Variants in UTP14C observed in about 807,000 individuals in gnomAD.
The protein encoded by UTP14C is U3 small nucleolar RNA-associated protein 14 homolog C.
Under a neutral mutation model 14.6 loss-of-function variants are expected in UTP14C, and 10 were observed. The observed-to-expected ratio is 0.68, with a 90% CI of 0.42 to 1.16. The LOEUF (loss-of-function observed/expected upper bound fraction) is 1.16, where lower values mean the gene tolerates loss of function less well. Ranked by LOEUF, UTP14C falls within the 50% of genes most tolerant of loss-of-function variation. The pLI is 0.00. For synonymous variants in UTP14C, 315 were observed against 331.6 expected (o/e 0.95, Z 0.54); for missense variants, 818 against 890.8 (o/e 0.92, Z 1.04).
Position 52,029,315 on chromosome 13 carries a change from G to C in UTP14C, c.511G>C (p.Glu171Gln). Residue 171 changes from glutamate (E) to glutamine (Q), a missense_variant, in exon 2 of 2, where the codon GAA becomes CAA. Transcript: ENST00000521776. ...GKEQPAIAPI[E>Q]HALSGWKART... ...GGAGCAGCCAGCCATTGCTCCCATT[G>C]AACATGCGCTCAGTGGCTGGAAGGC... 6.2e-7 allele frequency: 1 copy of C among 1,614,154 alleles called. No individual in the cohort carries two copies. The highest frequency in any genetic ancestry group is 8.5e-7 in the Non-Finnish European group (1 of 1,180,028).
intron 1 of UTP14C, 70 bp downstream of exon 1, chr13:52,025,007 A>T (rs1954227407): frequency 6.7e-7 from 1 of 1,488,016 alleles, no homozygotes; most frequent in Non-Finnish European, 9.3e-7. Context: ...TGATAAAATG[A>T]TAATACTCTG....
At position 52,024,719 on chromosome 13, in the gene UTP14C, T is replaced by C. The variant is rs767338407; in HGVS notation, c.-705T>C. 5 of 1,614,248 alleles carry C rather than the reference T, an allele frequency of 3.1e-6. No individual in the cohort carries two copies. The Admixed American group carries it at 8.3e-5, about 27-fold the overall frequency. ...TTTGCTAAATTGCTGAATAAGAAGA[T>C]GGTTGAGTCACCTCCTTCGCTTAAA... is the stretch of plus-strand genomic sequence containing the variant. On this transcript the variant is annotated 5_prime_UTR_variant, in exon 1 of 2. It removes an upstream start codon present in the reference 5' UTR. Coordinates refer to ENST00000521776, the MANE Select transcript of UTP14C (RefSeq NM_021645.6).
rs759023629 is a variant in UTP14C, at chr13:52,029,608, G to A, written c.804G>A (p.Glu268=). Reference sequence around the variant, plus strand: ...CCAAGAAAGCCTTAAAAGAGTTTGAGCAGCTACAGAAGGTTAATCCAACTG... The same window carrying A: ...CCAAGAAAGCCTTAAAAGAGTTTGAACAGCTACAGAAGGTTAATCCAACTG... ...GKAKKALKEF[E]QLQKVNPTVA... Residue 268 remains glutamate, a synonymous_variant, in exon 2 of 2, where the codon GAG becomes GAA. Transcript: ENST00000521776. 6 of 1,614,126 alleles carry A rather than the reference G, an allele frequency of 3.7e-6. No homozygotes were observed. In the African/African-American group the frequency reaches 6.7e-5, roughly 18 times the overall value.
chr13:52,030,154 C>G lies in UTP14C; in HGVS notation c.1350C>G (p.Ser450Arg), dbSNP rs1193525395. ...PASSQETKDS[S>R]SQEVLSELRA... ...GCAGTCAAGAAACAAAAGATTCTAG[C>G]AGCCAGGAGGTGCTGTCCGAATTGA... The change falls in exon 2 of 2, where the codon AGC becomes AGG. Residue 450 changes from serine (S) to arginine (R), a missense_variant. Coordinates refer to ENST00000521776, the MANE Select transcript of UTP14C (RefSeq NM_021645.6). 3 of 1,614,182 alleles carry G rather than the reference C, an allele frequency of 1.9e-6. No individual in the cohort carries two copies. In the Admixed American group the frequency reaches 5.0e-5, roughly 27 times the overall value.
At chr13:52,026,085 G>A (rs1490695986) in intron 1 of UTP14C, among the ~76,000 whole-genome samples, 2 of 152,244 alleles carry the variant, frequency 1.3e-5, no homozygotes, top group African/African-American at 4.8e-5. Flanking sequence ...CAAGTGCCGT[G>A]CCGTGCTGTG....
rs2140855372 is a variant in UTP14C at position 52,031,972 on chromosome 13, C to T, written c.*867C>T. On this transcript the variant is annotated 3_prime_UTR_variant, in exon 2 of 2. Coordinates refer to ENST00000521776, the MANE Select transcript of UTP14C (RefSeq NM_021645.6). ...GTGCGGTGTCTCACACCTGTAATCC[C>T]AGCACTTTGGGAGGCCGAGATGGGT... 6.1e-6 allele frequency: 1 copy of T among 165,184 alleles called. No homozygotes were observed. The allele number at this position is 165,184 out of a possible 1,614,324, so 10.2% of individuals were successfully genotyped here. A position where few individuals can be genotyped will look rare whatever the true frequency, so the allele number is the denominator to read the frequency against.
In UTP14C at chr13:52,033,260, G is replaced by A. The variant is rs1459969757; in HGVS notation, c.*2155G>A. The A allele has an allele frequency of 6.0e-6, 1 of 167,014 alleles. No homozygotes were observed. Among genetic ancestry groups the A allele is most frequent in the Non-Finnish European group, 1.5e-5 (1 of 68,120 alleles). The allele number at this position is 167,014 out of a possible 1,614,324, so 10.3% of individuals were successfully genotyped here. A position where few individuals can be genotyped will look rare whatever the true frequency, so the allele number is the denominator to read the frequency against. On this transcript the variant is annotated 3_prime_UTR_variant, in exon 2 of 2. Coordinates refer to ENST00000521776, the MANE Select transcript of UTP14C (RefSeq NM_021645.6). Reference sequence around the variant, plus strand: ...AATTCCTCTCAGATGTCATTTTTGAGTGGTCCAAGCCTGCTGTTTTGAACC... The same window carrying A: ...AATTCCTCTCAGATGTCATTTTTGAATGGTCCAAGCCTGCTGTTTTGAACC...
rs17480469 is a variant in UTP14C, at chr13:52,032,939, A to G, written c.*1834A>G. ...CAGTGCTTTTTCTTACTTTGTAGCT[A>G]CACTTTGAAGTAAGATTCAAACTGT... On this transcript the variant is annotated 3_prime_UTR_variant, in exon 2 of 2. Transcript: ENST00000521776. The G allele has an allele frequency of 0.014, 2,423 of 167,166 alleles. 73 individuals carry two copies. Among genetic ancestry groups the G allele is most frequent in the Admixed American group, 0.081 (1,233 of 15,302 alleles). The allele number at this position is 167,166 out of a possible 1,614,324, so 10.4% of individuals were successfully genotyped here.
chr13:52,025,236 G>T lies in UTP14C; in HGVS notation c.-487+299G>T, dbSNP rs375751810. On this transcript the variant is annotated intron_variant, in intron 1 of 1. Transcript: ENST00000521776. Reference sequence around the variant, plus strand: ...TTGTTATTCCCATTTTATAAATAAAGAAACTCAGGCACAGGAAGGTTTAGA... The same window carrying T: ...TTGTTATTCCCATTTTATAAATAAATAAACTCAGGCACAGGAAGGTTTAGA... Among the ~76,000 whole-genome samples, 9 of 151,434 alleles carry T rather than the reference G, an allele frequency of 5.9e-5. No homozygotes were observed. The East Asian group carries it at 7.7e-4, about 13-fold the overall frequency.
chr13:52,024,793 A>G lies in UTP14C; in HGVS notation c.-631A>G, dbSNP rs1477782744. 5 of 1,614,220 alleles carry G rather than the reference A, an allele frequency of 3.1e-6. No homozygotes were observed. The East Asian group carries it at 6.7e-5, about 22-fold the overall frequency. ...TAACAAAGATGATGAACTTAGGGTA[A>G]ACCAACTGAGAAGGCTGTCTGAGGA... On this transcript the variant is annotated 5_prime_UTR_variant, in exon 1 of 2. The change abolishes the stop of an existing upstream ORF in the 5' untranslated region. Coordinates refer to ENST00000521776, the MANE Select transcript of UTP14C (RefSeq NM_021645.6).
chr13:52,026,463 G>T (rs896535090), intron 1 of UTP14C, among the ~76,000 whole-genome samples: 2 of 152,242 alleles, frequency 1.3e-5, no homozygotes, highest in African/African-American at 4.8e-5. Context: ...AGAGCAGGGA[G>T]AGCAAGACTG....
chr13:52,027,342 G>A (rs1194225809), intron 1 of UTP14C, among the ~76,000 whole-genome samples: 1 of 152,132 alleles, frequency 6.6e-6, no homozygotes, highest in Non-Finnish European at 1.5e-5. Flanking sequence ...TGATAGGAAG[G>A]AGCCAGTAGA....
At position 52,030,670 on chromosome 13, in the gene UTP14C, C is replaced by G; in HGVS notation, c.1866C>G (p.Asp622Glu). The change falls in exon 2 of 2, where the codon GAC (aspartate) becomes GAG (glutamate). Residue 622 changes from aspartate (D) to glutamate (E), a missense_variant. By Grantham distance (45) the Asp-to-Glu change is conservative (BLOSUM62 2). Transcript: ENST00000521776. ...CTGTGGAGGCGAGTAAGCCAAAGGACGTGGACCTGACACTACCTGGCTGGG... is the reference window on the plus strand; with the variant it reads ...CTGTGGAGGCGAGTAAGCCAAAGGAGGTGGACCTGACACTACCTGGCTGGG... ...REAVEASKPKDVDLTLPGWGE... is the reference protein window; with the variant it reads ...REAVEASKPKEVDLTLPGWGE... 6.2e-7 allele frequency: 1 copy of G among 1,614,192 alleles called. No homozygotes were observed. Among genetic ancestry groups the G allele is most frequent in the Non-Finnish European group, 8.5e-7 (1 of 1,180,022 alleles).
rs1444430204 is a variant in UTP14C, at chr13:52,030,901, G to A, written c.2097G>A (p.Gln699=). 6.2e-7 allele frequency: 1 copy of A among 1,614,012 alleles called. No homozygotes were observed. Among genetic ancestry groups the A allele is most frequent in the Non-Finnish European group, 8.5e-7 (1 of 1,180,034 alleles). ...THHRQFERTI[Q]TPIGSTWNTQ... ...ATCGGCAATTTGAAAGGACCATCCA[G>A]ACCCCTATAGGATCCACATGGAACA... Residue 699 remains glutamine (Q), a synonymous_variant, in exon 2 of 2, where the codon CAG becomes CAA. Coordinates refer to ENST00000521776, the MANE Select transcript of UTP14C (RefSeq NM_021645.6).
At chr13:52,025,525 T>C (rs1158813666) in intron 1 of UTP14C, among the ~76,000 whole-genome samples, 1 of 152,264 alleles carries the variant, frequency 6.6e-6, no homozygotes, top group African/African-American at 2.4e-5. Context: ...TAGGGGCTTC[T>C]CACAGTAACT....
chr13:52,030,729 C>T lies in UTP14C; in HGVS notation c.1925C>T (p.Ala642Val). 6.2e-7 allele frequency: 1 copy of T among 1,614,128 alleles called. No individual in the cohort carries two copies. Among genetic ancestry groups the T allele is most frequent in the Non-Finnish European group, 8.5e-7 (1 of 1,180,014 alleles). The change falls in exon 2 of 2, where the codon GCC (alanine) becomes GTC (valine). Residue 642 changes from alanine to valine, a missense_variant. Physicochemically the swap from Ala to Val is moderately conservative, Grantham distance 64. Transcript: ENST00000521776. ...EWGGVGLKPS[A>V]KKRRQFLIKA... ...GGTGGTGTGGGCCTAAAGCCCAGTGCCAAGAAAAGACGCCAGTTTCTCATT... is the reference window on the plus strand; with the variant it reads ...GGTGGTGTGGGCCTAAAGCCCAGTGTCAAGAAAAGACGCCAGTTTCTCATT...
chr13:52,028,627 C>T lies in UTP14C; in HGVS notation c.-178C>T. ...TAAAATTAAAGATATTTTATATAAA[C>T]TGGTTAAACACCTTCATATGTAAAT... is the stretch of plus-strand genomic sequence containing the variant. On this transcript the variant is annotated 5_prime_UTR_variant, in exon 2 of 2. Coordinates refer to ENST00000521776, the MANE Select transcript of UTP14C (RefSeq NM_021645.6). 2 of 1,587,960 alleles carry T rather than the reference C, an allele frequency of 1.3e-6. No individual in the cohort carries two copies. Among genetic ancestry groups the T allele is most frequent in the South Asian group, 2.2e-5 (2 of 89,968 alleles).
At position 52,030,794 on chromosome 13, in the gene UTP14C, C is replaced by T; in HGVS notation, c.1990C>T (p.Pro664Ser). The part of the protein sequence containing the change: ...EGPPRKDKNL[P>S]NVIISEKRNI... ...TCCTCCAAGAAAAGATAAGAATTTG[C>T]CAAATGTGATTATCAGTGAGAAGCG... The change falls in exon 2 of 2, where the codon CCA (proline) becomes TCA (serine). Residue 664 changes from proline to serine, a missense_variant. Coordinates refer to ENST00000521776, the MANE Select transcript of UTP14C (RefSeq NM_021645.6). 6.2e-7 allele frequency: 1 copy of T among 1,614,154 alleles called. No individual in the cohort carries two copies. The highest frequency in any genetic ancestry group is 8.5e-7 in the Non-Finnish European group (1 of 1,180,034).
chr13:52,028,685 A>G lies in UTP14C; in HGVS notation c.-120A>G. On this transcript the variant is annotated 5_prime_UTR_variant, in exon 2 of 2. Transcript: ENST00000521776. ...TAAATTCAATCTCATTTGTCAAATC[A>G]TTTTACTTTAGAAAACAGACAAAAT... 6.4e-7 allele frequency: 1 copy of G among 1,561,800 alleles called. No homozygotes were observed. Among genetic ancestry groups the G allele is most frequent in the Non-Finnish European group, 8.7e-7 (1 of 1,143,908 alleles).
Sources: allele counts gnomAD v4.1 joint callset (sites outside exome capture counted in the v4.1 genomes callset), GRCh38; gene constraint gnomAD v4.1.1; transcripts MANE v1.5; gene names NCBI Gene and HGNC (gene_info 2026-07-23, HGNC 2026-07-21).